The following EML5 variants were observed in gnomAD, a reference collection of about 807,000 sequenced individuals.
EML5 encodes echinoderm microtubule-associated protein-like 5.
Under a neutral mutation model 250.0 loss-of-function variants are expected in EML5, and 120 were observed. That is an observed-to-expected ratio of 0.48 (90% CI 0.41 to 0.56). The LOEUF (loss-of-function observed/expected upper bound fraction) is 0.56, where lower values mean the gene tolerates loss of function less well. EML5 is among the 20% of genes least tolerant of loss of function. The pLI is 0.00. For synonymous variants in EML5, 771 were observed against 806.5 expected (o/e 0.96, Z 0.75); for missense variants, 2,006 against 2,437.6 (o/e 0.82, Z 3.73).
rs1256726389 is a variant in EML5 at position 88,692,355 on chromosome 14, C to A, written c.2539+1952G>T. On this transcript the variant is annotated intron_variant, in intron 17 of 43. Coordinates refer to ENST00000554922, the MANE Select transcript of EML5 (RefSeq NM_183387.3). ...TCACAACATTGCACTCCAGCCTGGG[C>A]AACAGAGCGAGACTCTGTTTCAAAA... Among the ~76,000 whole-genome samples, 10 of 152,210 alleles carry A rather than the reference C, an allele frequency of 6.6e-5. No individual in the cohort carries two copies. The East Asian group carries it at 1.9e-3, about 29-fold the overall frequency.
chr14:88,623,054 C>G (rs2089311997), intron 36 of EML5: 1 of 154,200 alleles, frequency 6.5e-6, no homozygotes. Context: ...CTCGCTCTGT[C>G]TCCCAGGCTT....
At chr14:88,706,205 G>T in intron 11 of EML5, 54 bp downstream of exon 11, 2 of 1,459,644 alleles carry the variant, frequency 1.4e-6, no homozygotes, top group Non-Finnish European at 1.8e-6. Context: ...TTATTTGGGG[G>T]TTACTGAAGA....
intron 16 of EML5, among the ~76,000 whole-genome samples, chr14:88,694,755 A>G (rs2093037737): frequency 6.6e-6 from 1 of 152,206 alleles, no homozygotes; most frequent in South Asian, 2.1e-4. Context: ...TCCAACTACA[A>G]AATTCCTCTT....
chr14:88,756,357 A>G (rs144522333), intron 1 of EML5, among the ~76,000 whole-genome samples: 2 of 152,210 alleles, frequency 1.3e-5, no homozygotes, highest in African/African-American at 2.4e-5. Flanking sequence ...AACTTCCTCA[A>G]ACTGACAAAG....
At chr14:88,765,278 T>C (rs2094305849) in intron 1 of EML5, among the ~76,000 whole-genome samples, 2 of 152,162 alleles carry the variant, frequency 1.3e-5, no homozygotes, top group South Asian at 4.1e-4. Flanking sequence ...AATTACTTTC[T>C]AGAGTCTCTG....
At chr14:88,647,868 C>T (rs1185789547) in intron 28 of EML5, among the ~76,000 whole-genome samples, 1 of 151,870 alleles carries the variant, frequency 6.6e-6, no homozygotes, top group Non-Finnish European at 1.5e-5. Flanking sequence ...AACATTTAAG[C>T]TTATTTTTGT....
rs1212300135 is a variant in EML5, at chr14:88,612,632, A to G, written c.*3186T>C. 6.6e-6 allele frequency: 1 copy of G among 152,652 alleles called. No individual in the cohort carries two copies. Among genetic ancestry groups the G allele is most frequent in the East Asian group, 1.9e-4 (1 of 5,202 alleles). 9.5% of individuals were successfully genotyped at this position (152,652 alleles called of 1,614,324 possible). ...CATTCTCAGAATCCACAGAAAATAT[A>G]CTTAGTTACTACTGAAGATAATTTT... On this transcript the variant is annotated 3_prime_UTR_variant, in exon 44 of 44. Coordinates refer to ENST00000554922, the MANE Select transcript of EML5 (RefSeq NM_183387.3).
At position 88,736,465 on chromosome 14, in the gene EML5, A is replaced by C; in HGVS notation, c.948T>G (p.Pro316=). The C allele has an allele frequency of 6.2e-7, 1 of 1,614,036 alleles. No individual in the cohort carries two copies. Among genetic ancestry groups the C allele is most frequent in the Non-Finnish European group, 8.5e-7 (1 of 1,179,894 alleles). Residue 316 remains proline, a synonymous_variant, in exon 7 of 44, where the codon CCT becomes CCG. Transcript: ENST00000554922. The part of the protein sequence containing the change: ...FEIVVQERNK[P]FLIMQGHCEG... ...CACAATGCCCTTGCATAATTAGAAA[A>C]GGTTTATTTCTTTCTTGCACCACAA...
intron 3 of EML5, among the ~76,000 whole-genome samples, chr14:88,745,633 C>A (rs2093994539): frequency 6.6e-6 from 1 of 152,032 alleles, no homozygotes; most frequent in Non-Finnish European, 1.5e-5. Context: ...ACTAAACAGA[C>A]CCTAGGCTCA....
chr14:88,668,694 A>G (rs1275010384), intron 21 of EML5, among the ~76,000 whole-genome samples: 1 of 152,196 alleles, frequency 6.6e-6, no homozygotes. Flanking sequence ...GTTTTACTCA[A>G]TGCTTATTCT....
chr14:88,658,722 A>G (rs1040180510), intron 25 of EML5, among the ~76,000 whole-genome samples: 6 of 152,204 alleles, frequency 3.9e-5, no homozygotes, highest in Non-Finnish European at 8.8e-5. Context: ...AAGAAATGCT[A>G]TCTGTGTAAA....
chr14:88,707,403 C>G (rs941035232), intron 10 of EML5, among the ~76,000 whole-genome samples: 11 of 151,974 alleles, frequency 7.2e-5, no homozygotes, highest in African/African-American at 2.7e-4. Flanking sequence ...GTCAGGATTA[C>G]AGGCATGAGC....
At chr14:88,768,813 T>C (rs549863933) in intron 1 of EML5, among the ~76,000 whole-genome samples, 8 of 152,238 alleles carry the variant, frequency 5.3e-5, no homozygotes, top group Admixed American at 2.0e-4. Context: ...AACCCATCTA[T>C]TTATATCAGC....
At chr14:88,744,957 T>C (rs549186430) in intron 3 of EML5, among the ~76,000 whole-genome samples, 2 of 152,190 alleles carry the variant, frequency 1.3e-5, no homozygotes, top group African/African-American at 4.8e-5. Flanking sequence ...ATAATACAGA[T>C]TATATGAAAA....
intron 23 of EML5, among the ~76,000 whole-genome samples, 196 bp downstream of exon 23, chr14:88,664,297 A>G (rs961708922): frequency 2.0e-5 from 3 of 151,312 alleles, no homozygotes; most frequent in Non-Finnish European, 2.9e-5. Context: ...AAAAGAAAAG[A>G]AAAAGGAAAA....
In EML5 at chr14:88,787,355, A is replaced by G. The variant is rs200868411; in HGVS notation, c.197+4952T>C. Among the ~76,000 whole-genome samples the G allele has an allele frequency of 2.2e-4, 34 of 152,348 alleles. 1 individual carries two copies. The East Asian group carries it at 5.4e-3, about 24-fold the overall frequency. On this transcript the variant is annotated intron_variant, in intron 1 of 43. Transcript: ENST00000554922. The stretch of plus-strand genomic sequence containing the variant: ...TTCTTGCACAAAACAGAAGCTCAAC[A>G]AATATTTCTTGGATGAGAAAACTTT...
At chr14:88,651,209 G>C (rs1356182734) in intron 27 of EML5, among the ~76,000 whole-genome samples, 1 of 146,704 alleles carries the variant, frequency 6.8e-6, no homozygotes, top group Non-Finnish European at 1.5e-5. Flanking sequence ...ACTCTGCCAC[G>C]GGGGCCAACA....
Position 88,693,590 on chromosome 14 carries a change from T to C in EML5, c.2539+717A>G, listed in dbSNP as rs2093007802. 4.6e-5 allele frequency among the ~76,000 whole-genome samples: 7 copies of C among 152,236 alleles called. 1 individual carries two copies. The South Asian group carries it at 1.5e-3, about 32-fold the overall frequency. ...AGTCAAACCATATCAACTACATAAA[T>C]GCAGCCAATAAATGGCAATAAATCT... is the stretch of plus-strand genomic sequence containing the variant. On this transcript the variant is annotated intron_variant, in intron 17 of 43. Transcript: ENST00000554922.
chr14:88,624,909 A>G, intron 36 of EML5, 61 bp downstream of exon 36: 2 of 1,574,368 alleles, frequency 1.3e-6, no homozygotes, highest in South Asian at 2.4e-5. Flanking sequence ...AGAATAATTA[A>G]CTGCAAACCT....
Sources: gnomAD v4.1 joint callset for allele counts (sites outside exome capture counted in the v4.1 genomes callset) on GRCh38, gnomAD v4.1.1 for gene constraint, MANE v1.5 for transcripts, NCBI Gene and HGNC (gene_info 2026-07-23, HGNC 2026-07-21) for gene names.